LDHA: variants seen among roughly 807,000 people sequenced by gnomAD.
The protein encoded by LDHA is lactate dehydrogenase A, also known as L-lactate dehydrogenase A chain.
In LDHA, 10 loss-of-function variants were observed where a neutral mutation model predicts 36.3. The observed-to-expected ratio is 0.28, with a 90% CI of 0.17 to 0.47. The LOEUF is 0.47. Among genes scored for constraint, LDHA ranks in the 20% least tolerant of loss-of-function variants. LDHA has a pLI of 0.99. For missense variants in LDHA, 267 were observed against 405.8 expected, an observed-to-expected ratio of 0.66 and a Z score of 2.94; for synonymous variants, 110 against 136.7, an observed-to-expected ratio of 0.80 and a Z score of 1.36.
rs56104473 is a variant in LDHA, at chr11:18,405,173, T to C, written c.711-276T>C. ...TAGCTATAGTTTATTTTTTGATAGC[T>C]GTGTAATATTCCATTGTATCAGTAT... is the stretch of plus-strand genomic sequence containing the variant. On this transcript the variant is annotated intron_variant, in intron 6 of 7. Coordinates refer to ENST00000422447, the MANE Select transcript of LDHA (RefSeq NM_005566.4). Among the ~76,000 whole-genome samples, 757 of 152,322 alleles carry C rather than the reference T, an allele frequency of 5.0e-3. 10 individuals are homozygous for C. The highest frequency in any genetic ancestry group is 0.018 in the African/African-American group (734 of 41,568).
In LDHA at chr11:18,401,027, C is replaced by T; in HGVS notation, c.418+17C>T. 6.3e-7 allele frequency: 1 copy of T among 1,596,080 alleles called. No individual in the cohort carries two copies. Among genetic ancestry groups the T allele is most frequent in the Non-Finnish European group, 8.6e-7 (1 of 1,165,634 alleles). On this transcript the variant is annotated intron_variant, in intron 4 of 7. Coordinates refer to ENST00000422447, the MANE Select transcript of LDHA (RefSeq NM_005566.4). ...CAAATCCAGGTGAGGCTTTTGACTGCATAAAAATTGACAAGCTATAGTAAA... is the reference window on the plus strand; with the variant it reads ...CAAATCCAGGTGAGGCTTTTGACTGTATAAAAATTGACAAGCTATAGTAAA...
At chr11:18,401,473 CTT>C (rs58157049) in intron 4 of LDHA, among the ~76,000 whole-genome samples, 34 of 68,602 alleles carry the variant, frequency 5.0e-4, no homozygotes, top group African/African-American at 1.3e-3. Flanking sequence ...ATTTATTTTT[CTT>C]TTTTTTTTTT....
intron 1 of LDHA, chr11:18,396,512 G>T: frequency 8.1e-7 from 1 of 1,234,160 alleles, no homozygotes; most frequent in Non-Finnish European, 1.0e-6. Context: ...TCTTGTCTGA[G>T]GAAAGGCCAG....
chr11:18,397,090 G>A, intron 2 of LDHA, 122 bp downstream of exon 2: 7 of 866,756 alleles, frequency 8.1e-6, no homozygotes, highest in South Asian at 8.0e-5. Flanking sequence ...GCACTCATTC[G>A]GATAACTTTC....
At position 18,407,365 on chromosome 11, in the gene LDHA, A is replaced by G. The variant is rs200810272; in HGVS notation, c.*84A>G. On this transcript the variant is annotated 3_prime_UTR_variant, in exon 8 of 8. Coordinates refer to ENST00000422447, the MANE Select transcript of LDHA (RefSeq NM_005566.4). ...TTGTGCATGTTGTCCTTTTTATCTG[A>G]TCTGTGATTAAAGCAGTAATATTTT... 3 of 1,608,752 alleles carry G rather than the reference A, an allele frequency of 1.9e-6. No individual in the cohort carries two copies. Among genetic ancestry groups the G allele is most frequent in the South Asian group, 2.2e-5 (2 of 90,682 alleles).
In LDHA at chr11:18,407,149, T is replaced by A; in HGVS notation, c.867T>A (p.Leu289=). 6.2e-7 allele frequency: 1 copy of A among 1,611,440 alleles called. No individual in the cohort carries two copies. The highest frequency in any genetic ancestry group is 8.5e-7 in the Non-Finnish European group (1 of 1,178,388). The part of the protein sequence containing the change: ...GLYGIKDDVF[L]SVPCILGQNG... The stretch of plus-strand genomic sequence containing the variant: ...ACGGAATAAAGGATGATGTCTTCCT[T>A]AGTGTTCCTTGCATTTTGGGACAGA... Residue 289 remains leucine (L), a synonymous_variant, in exon 8 of 8, where the codon CTT becomes CTA. Coordinates refer to ENST00000422447, the MANE Select transcript of LDHA (RefSeq NM_005566.4).
chr11:18,401,077 TATA>T (rs1357825342), intron 4 of LDHA, 67 bp downstream of exon 4: 2 of 553,764 alleles, frequency 3.6e-6, no homozygotes, highest in African/African-American at 4.1e-5. Flanking sequence ...ATATATATAT[TATA>T]TATATTTTAA....
At chr11:18,405,739 A>G (rs1866659675) in intron 7 of LDHA, 167 bp downstream of exon 7, 1 of 714,278 alleles carries the variant, frequency 1.4e-6, no homozygotes, top group African/African-American at 1.8e-5. Context: ...CTTTAGGATT[A>G]ATGTCCATTA....
chr11:18,399,634 T>G, intron 3 of LDHA, 86 bp downstream of exon 3: 2 of 1,012,524 alleles, frequency 2.0e-6, no homozygotes, highest in Non-Finnish European at 3.1e-6. Context: ...TAGGGTAGAG[T>G]GCAGTTGCAC....
At chr11:18,405,785 T>A in intron 7 of LDHA, 1 of 501,584 alleles carries the variant, frequency 2.0e-6, no homozygotes, top group Admixed American at 3.3e-5. Context: ...ATAATTTGAC[T>A]ACAAAAAAGT....
rs575450430 is a variant in LDHA, at chr11:18,404,764, C to T, written c.711-685C>T. On this transcript the variant is annotated intron_variant, in intron 6 of 7. Coordinates refer to ENST00000422447, the MANE Select transcript of LDHA (RefSeq NM_005566.4). ...TGGAGCTTGCAGTGAGCCGAGATCG[C>T]GCCACTGCACTCCAGCCTGGGCGAC... Among the ~76,000 whole-genome samples, 39 of 150,006 alleles carry T rather than the reference C, an allele frequency of 2.6e-4. No homozygotes were observed. In the South Asian group the frequency reaches 7.2e-3, roughly 28 times the overall value.
intron 3 of LDHA, chr11:18,400,609 A>G: frequency 1.7e-6 from 1 of 601,986 alleles, no homozygotes; most frequent in South Asian, 1.6e-5. Context: ...AGAATCAAAT[A>G]ATAAACTTGA....
chr11:18,406,414 T>TAAAAA (rs532942664), intron 7 of LDHA, among the ~76,000 whole-genome samples: 39,217 of 95,884 alleles, frequency 0.41, 9,280 homozygotes, highest in South Asian at 0.52. Flanking sequence ...TTGCCTCTGT[T>TAAAAA]AAAAAAAAAA....
At position 18,405,564 on chromosome 11, in the gene LDHA, A is replaced by T; in HGVS notation, c.826A>T (p.Met276Leu). 6.2e-7 allele frequency: 1 copy of T among 1,613,930 alleles called. No individual in the cohort carries two copies. The highest frequency in any genetic ancestry group is 8.5e-7 in the Non-Finnish European group (1 of 1,179,880). Reference protein sequence around the residue: ...NLRRVHPVSTMIKGLYGIKDD... With the variant: ...NLRRVHPVSTLIKGLYGIKDD... ...TAGGCGGGTGCACCCAGTTTCCACC[A>T]TGATTAAGGTAGGTCTATGTAGTGA... The change falls in exon 7 of 8, where the codon ATG becomes TTG. Residue 276 changes from methionine (M) to leucine (L), a missense_variant. Physicochemically the swap from Met to Leu is conservative, Grantham distance 15. Transcript: ENST00000422447.
rs1448523064 is a variant in LDHA at position 18,407,294 on chromosome 11, T to G, written c.*13T>G. 1.2e-6 allele frequency: 2 copies of G among 1,612,856 alleles called. No individual in the cohort carries two copies. The stretch of plus-strand genomic sequence containing the variant: ...GCTGCAATTTTAAAGTCTTCTGATG[T>G]CATATCATTTCACTGTCTAGGCTAC... On this transcript the variant is annotated 3_prime_UTR_variant, in exon 8 of 8. Transcript: ENST00000422447.
Position 18,407,162 on chromosome 11 carries a change from A to G in LDHA, c.880A>G (p.Ile294Val). The G allele has an allele frequency of 6.2e-7, 1 of 1,606,398 alleles. No individual in the cohort carries two copies. The highest frequency in any genetic ancestry group is 8.5e-7 in the Non-Finnish European group (1 of 1,177,944). Residue 294 changes from isoleucine (I) to valine (V), a missense_variant, in exon 8 of 8, where the codon ATT (isoleucine) becomes GTT (valine). Ile to Val is a conservative substitution (Grantham distance 29). Coordinates refer to ENST00000422447, the MANE Select transcript of LDHA (RefSeq NM_005566.4). Reference protein sequence around the residue: ...KDDVFLSVPCILGQNGISDLV... With the variant: ...KDDVFLSVPCVLGQNGISDLV... Reference sequence around the variant, plus strand: ...TGATGTCTTCCTTAGTGTTCCTTGCATTTTGGGACAGAATGGAATCTCAGA... The same window carrying G: ...TGATGTCTTCCTTAGTGTTCCTTGCGTTTTGGGACAGAATGGAATCTCAGA...
At chr11:18,399,950 T>G (rs1024869081) in intron 3 of LDHA, 2 of 194,640 alleles carry the variant, frequency 1.0e-5, no homozygotes, top group Admixed American at 1.1e-4. Flanking sequence ...GATTTTGTTT[T>G]AAATGCCGGG....
At chr11:18,399,609 T>G in intron 3 of LDHA, 61 bp downstream of exon 3, 7 of 1,257,774 alleles carry the variant, frequency 5.6e-6, no homozygotes, top group Non-Finnish European at 8.2e-6. Flanking sequence ...TTCCAGATGG[T>G]CTCCATTTGT....
chr11:18,402,868 G>C lies in LDHA; in HGVS notation c.447G>C (p.Lys149Asn), dbSNP rs1480859570. 6.2e-7 allele frequency: 1 copy of C among 1,612,832 alleles called. No homozygotes were observed. The highest frequency in any genetic ancestry group is 8.5e-7 in the Non-Finnish European group (1 of 1,178,998). Residue 149 changes from lysine (K) to asparagine (N), a missense_variant, in exon 5 of 8, where the codon AAG (lysine) becomes AAC (asparagine). Lys to Asn is a moderately conservative substitution (Grantham distance 94). Coordinates refer to ENST00000422447, the MANE Select transcript of LDHA (RefSeq NM_005566.4). The part of the protein sequence containing the change: ...PVDILTYVAW[K>N]ISGFPKNRVI... ...ATATCTTGACCTACGTGGCTTGGAAGATAAGTGGTTTTCCCAAAAACCGTG... is the reference window on the plus strand; with the variant it reads ...ATATCTTGACCTACGTGGCTTGGAACATAAGTGGTTTTCCCAAAAACCGTG...
Sources: gnomAD v4.1 joint callset for allele counts (sites outside exome capture counted in the v4.1 genomes callset) on GRCh38, gnomAD v4.1.1 for gene constraint, MANE v1.5 for transcripts, NCBI Gene and HGNC (gene_info 2026-07-23, HGNC 2026-07-21) for gene names.